Variants in SUMO3 observed in about 807,000 individuals in gnomAD.
SUMO3 encodes the protein small ubiquitin-related modifier 3.
SUMO3 carries 2 observed loss-of-function variants against 11.1 expected under a neutral mutation model. The ratio of observed to expected loss-of-function variants is 0.18; its 90% CI spans 0.07 to 0.57. SUMO3 has a LOEUF of 0.57. SUMO3 is among the 20% of genes least tolerant of loss of function. The pLI, the probability that SUMO3 is intolerant of heterozygous loss-of-function variation, is 0.92. For missense variants in SUMO3, 70 were observed against 132.8 expected, an observed-to-expected ratio of 0.53 and a Z score of 2.32; for synonymous variants, 56 against 53.5, an observed-to-expected ratio of 1.05 and a Z score of -0.20.
Position 44,806,170 on chromosome 21 carries a change from G to C in SUMO3, c.*781C>G, listed in dbSNP as rs1282191815. The C allele has an allele frequency of 6.6e-6, 1 of 151,896 alleles. No individual in the cohort carries two copies. Among genetic ancestry groups the C allele is most frequent in the Admixed American group, 6.6e-5 (1 of 15,258 alleles). The allele number at this position is 151,896 out of a possible 1,614,324, so 9.4% of individuals were successfully genotyped here. On this transcript the variant is annotated 3_prime_UTR_variant, in exon 4 of 4. Coordinates refer to ENST00000332859, the MANE Select transcript of SUMO3 (RefSeq NM_006936.3). ...ACACCATTACCAAATGAGAAATGTGGGAATTTCTTCAATATTAAGAGGGAG... is the reference window on the plus strand; with the variant it reads ...ACACCATTACCAAATGAGAAATGTGCGAATTTCTTCAATATTAAGAGGGAG...
At chr21:44,809,913 G>A (rs745315383) in intron 2 of SUMO3, among the ~76,000 whole-genome samples, 8 of 152,162 alleles carry the variant, frequency 5.3e-5, no homozygotes, top group Non-Finnish European at 1.0e-4. Context: ...CAGAAGCCGA[G>A]TAGAACTTCT....
rs1449900231 is a variant in SUMO3, at chr21:44,811,537, G to C, written c.151-2419C>G. On this transcript the variant is annotated intron_variant, in intron 2 of 3. Transcript: ENST00000332859. This position sits in a 1 kb window ranked among gnomAD's most constrained non-coding sequence, Gnocchi z 5.0. ...CAGTGAACCATGATCACACCACTGCGCTCCAGCTTGGGGGACAGAGTGAGA... is the reference window on the plus strand; with the variant it reads ...CAGTGAACCATGATCACACCACTGCCCTCCAGCTTGGGGGACAGAGTGAGA... Among the ~76,000 whole-genome samples, 1 of 152,072 alleles carries C rather than the reference G, an allele frequency of 6.6e-6. No homozygotes were observed. Among genetic ancestry groups the C allele is most frequent in the Non-Finnish European group, 1.5e-5 (1 of 68,008 alleles).
chr21:44,806,831 G>A lies in SUMO3; in HGVS notation c.*120C>T. The A allele has an allele frequency of 2.0e-6, 3 of 1,491,536 alleles. No individual in the cohort carries two copies. The highest frequency in any genetic ancestry group is 3.5e-4 in the Middle Eastern group (2 of 5,674). 92.4% of individuals were successfully genotyped at this position (1,491,536 alleles called of 1,614,324 possible). ...TTGCACTTGAAGTACATCAAAGAGA[G>A]GAAAATCATCGTGGTGAATGTCCTC... is the stretch of plus-strand genomic sequence containing the variant. On this transcript the variant is annotated 3_prime_UTR_variant, in exon 4 of 4. Coordinates refer to ENST00000332859, the MANE Select transcript of SUMO3 (RefSeq NM_006936.3).
At chr21:44,817,351 G>A (rs934781946) in intron 1 of SUMO3, among the ~76,000 whole-genome samples, 1 of 151,904 alleles carries the variant, frequency 6.6e-6, no homozygotes, top group East Asian at 1.9e-4. Flanking sequence ...CGCGATGGCC[G>A]GGACACGATG....
intron 1 of SUMO3, 48 bp from the exon 2 acceptor site, chr21:44,814,152 C>T (rs752356084): frequency 6.3e-7 from 1 of 1,591,990 alleles, no homozygotes; most frequent in Non-Finnish European, 8.6e-7. Flanking sequence ...CTCAAAATAA[C>T]CGCGACTTGA....
In SUMO3 at chr21:44,806,995, T is replaced by TCTG. The variant is rs1330013746; in HGVS notation, c.265_267dup (p.Gln89dup). ...AGGCTGCTCTCCGGCACACCTCCCG[T>TCTG]CTGCTGCTGGAACACGTCGATGGTG... On this transcript the variant is annotated inframe_insertion, in exon 4 of 4. Coordinates refer to ENST00000332859, the MANE Select transcript of SUMO3 (RefSeq NM_006936.3). 1 of 1,614,070 alleles carries TCTG rather than the reference T, an allele frequency of 6.2e-7. No individual in the cohort carries two copies. The highest frequency in any genetic ancestry group is 2.2e-5 in the East Asian group (1 of 44,870).
At position 44,806,710 on chromosome 21, in the gene SUMO3, C is replaced by T. The variant is rs1241487251; in HGVS notation, c.*241G>A. On this transcript the variant is annotated 3_prime_UTR_variant, in exon 4 of 4. Transcript: ENST00000332859. Reference sequence around the variant, plus strand: ...ACACAAATGAGCACACAAAAGTACCCACAATATCTTGCAACTCATTTTACC... The same window carrying T: ...ACACAAATGAGCACACAAAAGTACCTACAATATCTTGCAACTCATTTTACC... The T allele has an allele frequency of 6.7e-6, 7 of 1,051,352 alleles. No homozygotes were observed. The highest frequency in any genetic ancestry group is 9.0e-6 in the Non-Finnish European group (7 of 774,096). The allele number at this position is 1,051,352 out of a possible 1,614,324, so 65.1% of individuals were successfully genotyped here.
chr21:44,808,545 C>T, intron 3 of SUMO3: 1 of 1,405,488 alleles, frequency 7.1e-7, no homozygotes, highest in South Asian at 1.6e-5. Context: ...AGGTCCAAAG[C>T]TCTTTCCATG....
chr21:44,815,408 AC>A (rs1449060721), intron 1 of SUMO3, among the ~76,000 whole-genome samples: 1 of 151,168 alleles, frequency 6.6e-6, no homozygotes, highest in Non-Finnish European at 1.5e-5. Flanking sequence ...GGCGGCACTC[AC>A]CCCCCGACTC....
chr21:44,815,234 C>T (rs2146426612), intron 1 of SUMO3, among the ~76,000 whole-genome samples: 1 of 152,286 alleles, frequency 6.6e-6, no homozygotes, highest in South Asian at 2.1e-4. Context: ...AGAAGGCTCG[C>T]CTGAGGGTGA....
rs1041845220 is a variant in SUMO3, at chr21:44,805,717, C to T, written c.*1234G>A. On this transcript the variant is annotated 3_prime_UTR_variant, in exon 4 of 4. Coordinates refer to ENST00000332859, the MANE Select transcript of SUMO3 (RefSeq NM_006936.3). ...CAACAGAGCCAACAAACATCCCACC[C>T]GAGCCCATACAGCAAACAGGAAATG... The T allele has an allele frequency of 1.4e-4, 21 of 152,504 alleles. No homozygotes were observed. The highest frequency in any genetic ancestry group is 4.8e-4 in the African/African-American group (20 of 41,390). 9.4% of individuals were successfully genotyped at this position (152,504 alleles called of 1,614,324 possible). A position where few individuals can be genotyped will look rare whatever the true frequency, so the allele number is the denominator to read the frequency against.
intron 2 of SUMO3, among the ~76,000 whole-genome samples, chr21:44,813,165 AT>A (rs1162133849): frequency 6.6e-6 from 1 of 152,154 alleles, no homozygotes; most frequent in Non-Finnish European, 1.5e-5. Flanking sequence ...AAAGAGTAAA[AT>A]AAAAGGGCAA....
chr21:44,809,370 ACTG>A (rs1469718668), intron 2 of SUMO3, among the ~76,000 whole-genome samples: 1 of 152,238 alleles, frequency 6.6e-6, no homozygotes, highest in African/African-American at 2.4e-5. Context: ...GCCTGACACC[ACTG>A]CTTTCAGAAC....
In SUMO3 at chr21:44,811,040, ACACACACG is replaced by A. The variant is rs946150117; in HGVS notation, c.151-1930_151-1923del. 1.4e-5 allele frequency among the ~76,000 whole-genome samples: 2 copies of A among 146,734 alleles called. No homozygotes were observed. Among genetic ancestry groups the A allele is most frequent in the East Asian group, 2.0e-4 (1 of 5,082 alleles). On this transcript the variant is annotated intron_variant, in intron 2 of 3. Transcript: ENST00000332859. This position sits in a 1 kb window ranked among gnomAD's most constrained non-coding sequence, Gnocchi z 5.0. ...TATGCACACACGCACACACCCACAT[ACACACACG>A]CACACACCCACACATACACACACAC...
intron 1 of SUMO3, 58 bp downstream of exon 1, chr21:44,817,890 G>T (rs1569310493): frequency 4.2e-3 from 1 of 236 alleles, no homozygotes; most frequent in African/African-American, 0.024. Context: ...GGGCGGAGCC[G>T]GGCTGGGGGC....
intron 2 of SUMO3, among the ~76,000 whole-genome samples, chr21:44,809,826 T>C (rs2083200080): frequency 6.6e-6 from 1 of 152,196 alleles, no homozygotes; most frequent in South Asian, 2.1e-4. Context: ...AGTGGCCGTG[T>C]GGAATGGTCA....
intron 2 of SUMO3, 181 bp downstream of exon 2, chr21:44,813,792 TGGG>T (rs2083227183): frequency 1.3e-6 from 2 of 1,499,718 alleles, no homozygotes; most frequent in African/African-American, 2.8e-5. Flanking sequence ...TAAAAGGCCA[TGGG>T]GGACAAGCCC....
chr21:44,808,273 G>A, intron 3 of SUMO3: 1 of 293,622 alleles, frequency 3.4e-6, no homozygotes, highest in Non-Finnish European at 6.3e-6. Context: ...AGCACTTTGG[G>A]GGGCTGAGGT....
rs996620964 is a variant in SUMO3 at position 44,816,028 on chromosome 21, A to C, written c.21+1920T>G. Among the ~76,000 whole-genome samples the C allele has an allele frequency of 3.3e-5, 5 of 152,180 alleles. No individual in the cohort carries two copies. The South Asian group carries it at 1.0e-3, about 32-fold the overall frequency. On this transcript the variant is annotated intron_variant, in intron 1 of 3. Transcript: ENST00000332859. ...CCCCTTCGTCAGAGCCCCAGAGGGC[A>C]GAGCTGCTCCCACATGGGCTCAGAG...
Sources: gnomAD v4.1 joint callset for allele counts (sites outside exome capture counted in the v4.1 genomes callset) on GRCh38, gnomAD v4.1.1 for gene constraint, Gnocchi (gnomAD v3.1) non-coding constraint, MANE v1.5 for transcripts, NCBI Gene and HGNC (gene_info 2026-07-23, HGNC 2026-07-21) for gene names.